The following RGS8 variants were observed in gnomAD, a reference collection of about 807,000 sequenced individuals.
RGS8 encodes the protein regulator of G protein signaling 8.
A neutral mutation model predicts 21.7 loss-of-function variants in RGS8; 8 were observed. The observed-to-expected ratio is 0.37, with a 90% CI of 0.22 to 0.66. The LOEUF is 0.66. Ranked by LOEUF, RGS8 falls within the 30% of genes least tolerant of loss-of-function variation. The pLI is 0.59. For synonymous variants in RGS8, 80 were observed against 83.6 expected, an observed-to-expected ratio of 0.96 and a Z score of 0.24; for missense variants, 157 against 217.9, an observed-to-expected ratio of 0.72 and a Z score of 1.76.
intron 1 of RGS8, among the ~76,000 whole-genome samples, chr1:182,680,179 A>C (rs1333650684): frequency 6.6e-6 from 1 of 152,106 alleles, no homozygotes; most frequent in Non-Finnish European, 1.5e-5. Flanking sequence ...ACATGACTGC[A>C]TTTCCTTCTC....
exon 2 of RGS8, chr1:182,671,716 T>G (rs569956): frequency 0.063 from 101,630 of 1,612,492 alleles, 5,965 homozygotes; most frequent in African/African-American, 0.29. Context: ...CAGAGAGGCT[T>G]CGGGTTAAGG....
chr1:182,645,042 AG>A (rs1662641246), downstream of RGS8: 1 of 152,212 alleles, frequency 6.6e-6, no homozygotes. Context: ...GTGGGACTCA[AG>A]GGCTTTCTTG....
the RGS8 span, among the ~76,000 whole-genome samples, chr1:182,725,534 G>T: frequency 2.0e-5 from 3 of 152,180 alleles, no homozygotes; most frequent in African/African-American, 7.2e-5. Context: ...GGGACATGGG[G>T]ACAGGAATGA....
At chr1:182,655,350 G>A (rs1317043454) in intron 5 of RGS8, among the ~76,000 whole-genome samples, 1 of 152,224 alleles carries the variant, frequency 6.6e-6, no homozygotes, top group Non-Finnish European at 1.5e-5. Context: ...ACATTTCCAG[G>A]TGGGGTGGAG....
Position 182,648,318 on chromosome 1 carries a change from G to A in RGS8, c.194-15C>T, listed in dbSNP as rs1214262641. The A allele has an allele frequency of 6.2e-7, 1 of 1,609,942 alleles. No homozygotes were observed. Among genetic ancestry groups the A allele is most frequent in the African/African-American group, 1.3e-5 (1 of 74,812 alleles). On this transcript the variant is annotated splice_polypyrimidine_tract_variant and intron_variant, in intron 5 of 6. Transcript: ENST00000483095. ...AGCCACCCCATCTGCGGATGTGGGAGGAAGAAAAGAAGAGAGATAGGAAGC... is the reference window on the plus strand; with the variant it reads ...AGCCACCCCATCTGCGGATGTGGGAAGAAGAAAAGAAGAGAGATAGGAAGC...
chr1:182,652,438 G>C (rs1214608019), intron 5 of RGS8, among the ~76,000 whole-genome samples: 1 of 152,186 alleles, frequency 6.6e-6, no homozygotes, highest in Non-Finnish European at 1.5e-5. Flanking sequence ...AGTGCTCCCA[G>C]GAGCCTTGCT....
At chr1:182,750,229 G>C in the RGS8 span, among the ~76,000 whole-genome samples, 8 of 152,148 alleles carry the variant, frequency 5.3e-5, no homozygotes, top group Admixed American at 2.6e-4. Flanking sequence ...AACTGGAACT[G>C]GTCAGTGAAA....
At chr1:182,747,572 G>A in the RGS8 span, among the ~76,000 whole-genome samples, 80 of 152,298 alleles carry the variant, frequency 5.3e-4, 1 homozygote, top group East Asian at 0.01. Flanking sequence ...CCAGCTATGG[G>A]AGATTGGACC....
chr1:182,691,162 G>C, the RGS8 span, among the ~76,000 whole-genome samples: 1 of 152,126 alleles, frequency 6.6e-6, no homozygotes, highest in Non-Finnish European at 1.5e-5. Flanking sequence ...TAGAAGAATT[G>C]CCCAACTGAC....
chr1:182,677,171 C>T (rs1571353224), upstream of RGS8, among the ~76,000 whole-genome samples: 1 of 152,158 alleles, frequency 6.6e-6, no homozygotes, highest in East Asian at 1.9e-4. Flanking sequence ...CGTAATTTTC[C>T]AGATTAAGGG....
At chr1:182,751,267 A>G in the RGS8 span, among the ~76,000 whole-genome samples, 1 of 152,238 alleles carries the variant, frequency 6.6e-6, no homozygotes, top group Non-Finnish European at 1.5e-5. Flanking sequence ...GCATGATTAC[A>G]TCTACACTTT....
intron 5 of RGS8, among the ~76,000 whole-genome samples, chr1:182,658,823 G>A (rs767156972): frequency 5.3e-5 from 8 of 152,160 alleles, no homozygotes; most frequent in Admixed American, 2.6e-4. Context: ...CTCCAGCCCC[G>A]GCAACAGAGC....
chr1:182,670,669 T>C (rs765764834), intron 2 of RGS8, among the ~76,000 whole-genome samples: 2 of 152,206 alleles, frequency 1.3e-5, no homozygotes, highest in African/African-American at 2.4e-5. Flanking sequence ...ATTTAAATTA[T>C]TTTTATATTA....
At chr1:182,737,645 G>A in the RGS8 span, among the ~76,000 whole-genome samples, 40 of 152,286 alleles carry the variant, frequency 2.6e-4, no homozygotes, top group African/African-American at 7.9e-4. Context: ...GTGGAACTAT[G>A]AGTCCATCAA....
rs77558082 is a variant in RGS8 at position 182,664,465 on chromosome 1, T to A, written c.193+1504A>T. On this transcript the variant is annotated intron_variant, in intron 5 of 6. Transcript: ENST00000483095. ...GCCTCAGGGACTTGAACTAAGTGAG[T>A]CAGTTGTGAGGCTAAAATAGAAACC... 7.6e-3 allele frequency among the ~76,000 whole-genome samples: 1,160 copies of A among 152,262 alleles called. 18 individuals are homozygous for A. Among genetic ancestry groups the A allele is most frequent in the African/African-American group, 0.027 (1,116 of 41,540 alleles).
the RGS8 span, among the ~76,000 whole-genome samples, chr1:182,711,130 T>A: frequency 6.6e-6 from 1 of 152,148 alleles, no homozygotes; most frequent in East Asian, 1.9e-4. Context: ...TCACTGTCAG[T>A]CAAAAATGCA....
the RGS8 span, among the ~76,000 whole-genome samples, chr1:182,739,596 C>T: frequency 0.016 from 2,512 of 152,298 alleles, 80 homozygotes; most frequent in African/African-American, 0.057. Flanking sequence ...TATTTGAGGA[C>T]TGCCTTGTTA....
intron 4 of RGS8, 101 bp downstream of exon 5, chr1:182,666,771 A>G (rs1663882799): frequency 2.4e-6 from 2 of 829,958 alleles, no homozygotes; most frequent in Admixed American, 1.8e-5. Context: ...GCCAAGAGAC[A>G]GGATTTTTCC....
At chr1:182,671,216 C>A (rs887069416) in intron 2 of RGS8, among the ~76,000 whole-genome samples, 1 of 152,214 alleles carries the variant, frequency 6.6e-6, no homozygotes, top group Non-Finnish European at 1.5e-5. Flanking sequence ...CCTCCACTAC[C>A]CATTTGATGC....
Sources: gnomAD v4.1 joint callset for allele counts (sites outside exome capture counted in the v4.1 genomes callset) on GRCh38, gnomAD v4.1.1 for gene constraint, MANE v1.5 for transcripts, NCBI Gene and HGNC (gene_info 2026-07-23, HGNC 2026-07-21) for gene names.